PIBF1: variants seen among roughly 807,000 people sequenced by gnomAD.
PIBF1 encodes the protein progesterone-induced-blocking factor 1.
In PIBF1, 90 loss-of-function variants were observed where a neutral mutation model predicts 112.5. The ratio of observed to expected loss-of-function variants is 0.80; its 90% CI spans 0.67 to 0.95. PIBF1 has a LOEUF of 0.95. PIBF1 is among the 40% of genes least tolerant of loss of function. PIBF1 has a pLI of 0.00. For missense variants in PIBF1, 915 were observed against 852.3 expected, an observed-to-expected ratio of 1.07 and a Z score of -0.92; for synonymous variants, 301 against 288.6, an observed-to-expected ratio of 1.04 and a Z score of -0.44.
chr13:72,976,863 T>C (rs2043034817), intron 16 of PIBF1, among the ~76,000 whole-genome samples: 1 of 151,544 alleles, frequency 6.6e-6, no homozygotes, highest in Non-Finnish European at 1.5e-5. Context: ...ATAATTCTGA[T>C]TTTTTTTTGA....
At chr13:72,797,005 T>C (rs1340012709) in intron 4 of PIBF1, among the ~76,000 whole-genome samples, 1 of 152,156 alleles carries the variant, frequency 6.6e-6, no homozygotes, top group African/African-American at 2.4e-5. Context: ...TACTCTCTCC[T>C]AATTTGCTGT....
intron 17 of PIBF1, among the ~76,000 whole-genome samples, chr13:73,013,676 A>G (rs9564936): frequency 0.27 from 39,331 of 147,928 alleles, 6,399 homozygotes; most frequent in East Asian, 0.58. Flanking sequence ...GGTTGAGGCT[A>G]CAGTTAGCCA....
At chr13:72,895,934 G>A (rs542241435) in intron 11 of PIBF1, among the ~76,000 whole-genome samples, 2 of 152,274 alleles carry the variant, frequency 1.3e-5, no homozygotes, top group Non-Finnish European at 2.9e-5. Flanking sequence ...TTGTGTTGGG[G>A]GGAGCCAGTG....
intron 5 of PIBF1, among the ~76,000 whole-genome samples, chr13:72,803,029 G>T (rs1033451618): frequency 1.3e-4 from 20 of 152,294 alleles, no homozygotes; most frequent in Middle Eastern, 3.4e-3. Flanking sequence ...AATTGACATT[G>T]TATTTAACAA....
At chr13:72,943,560 C>T (rs2042067664) in intron 14 of PIBF1, among the ~76,000 whole-genome samples, 1 of 152,054 alleles carries the variant, frequency 6.6e-6, no homozygotes, top group Non-Finnish European at 1.5e-5. Context: ...TTTTAAAGGC[C>T]CATGGCCTAC....
intron 10 of PIBF1, among the ~76,000 whole-genome samples, chr13:72,874,994 C>T (rs61967072): frequency 0.16 from 23,680 of 152,134 alleles, 2,255 homozygotes; most frequent in Middle Eastern, 0.26. Flanking sequence ...TTAATACTTT[C>T]ATTTCTGGTC....
At chr13:72,904,514 C>A (rs2040620548) in intron 11 of PIBF1, among the ~76,000 whole-genome samples, 1 of 135,128 alleles carries the variant, frequency 7.4e-6, no homozygotes. Flanking sequence ...CGTCTCGGCT[C>A]ACTACAACCT....
At chr13:72,999,984 C>T (rs980688717) in intron 17 of PIBF1, among the ~76,000 whole-genome samples, 2 of 151,868 alleles carry the variant, frequency 1.3e-5, no homozygotes, top group Admixed American at 6.6e-5. Context: ...GGAGAATTGT[C>T]GGTGCGATGG....
intron 10 of PIBF1, among the ~76,000 whole-genome samples, chr13:72,856,335 A>G (rs2138337923): frequency 6.6e-6 from 1 of 152,312 alleles, no homozygotes; most frequent in South Asian, 2.1e-4. Flanking sequence ...AATTTTAGAT[A>G]AACTGGAAAA....
At chr13:72,871,014 G>A (rs1041082788) in intron 10 of PIBF1, among the ~76,000 whole-genome samples, 2 of 151,990 alleles carry the variant, frequency 1.3e-5, no homozygotes, top group Non-Finnish European at 2.9e-5. Context: ...AGTAATATAT[G>A]TATATATATT....
intron 4 of PIBF1, among the ~76,000 whole-genome samples, chr13:72,795,839 A>G (rs972427239): frequency 4.6e-5 from 7 of 152,182 alleles, no homozygotes; most frequent in African/African-American, 1.7e-4. Flanking sequence ...TATAAACAAC[A>G]GAGTAGTTGT....
intron 13 of PIBF1, among the ~76,000 whole-genome samples, chr13:72,924,387 T>C (rs751492133): frequency 1.8e-4 from 27 of 147,188 alleles, no homozygotes; most frequent in Middle Eastern, 3.5e-3. Flanking sequence ...TTTCTAACAG[T>C]GTGTTCATTT....
chr13:72,809,287 G>A (rs1040286484), intron 5 of PIBF1, among the ~76,000 whole-genome samples: 3 of 151,450 alleles, frequency 2.0e-5, no homozygotes, highest in African/African-American at 7.3e-5. Flanking sequence ...CAATCACATA[G>A]TATCTTTTTC....
At chr13:72,867,764 C>T (rs1049881009) in intron 10 of PIBF1, among the ~76,000 whole-genome samples, 1 of 152,086 alleles carries the variant, frequency 6.6e-6, no homozygotes, top group African/African-American at 2.4e-5. Context: ...TTTCATTTTA[C>T]AAATGGAAAG....
chr13:72,819,111 C>T lies in PIBF1; in HGVS notation c.673-2738C>T, dbSNP rs920853987. ...TTAGTGTTTATAATGGAAAGAGTCT[C>T]GCCCTCAAGGGATGGGAAAATCATA... On this transcript the variant is annotated intron_variant, in intron 5 of 17. Transcript: ENST00000326291. Among the ~76,000 whole-genome samples, 5 of 152,066 alleles carry T rather than the reference C, an allele frequency of 3.3e-5. No individual in the cohort carries two copies. The South Asian group carries it at 6.2e-4, about 19-fold the overall frequency.
chr13:72,814,219 C>T (rs918559524), intron 5 of PIBF1, among the ~76,000 whole-genome samples: 1 of 152,040 alleles, frequency 6.6e-6, no homozygotes, highest in African/African-American at 2.4e-5. Context: ...GGGTGGATCA[C>T]CTGAGGTCAG....
At chr13:72,891,485 C>G (rs2040053456) in intron 10 of PIBF1, among the ~76,000 whole-genome samples, 1 of 123,738 alleles carries the variant, frequency 8.1e-6, no homozygotes, top group African/African-American at 3.2e-5. Context: ...TGAATTAATA[C>G]TTTTTTTTAG....
At position 72,811,595 on chromosome 13, in the gene PIBF1, C is replaced by CAAAAA. The variant is rs770232789; in HGVS notation, c.673-10244_673-10240dup. Among the ~76,000 whole-genome samples, 211 of 40,080 alleles carry CAAAAA rather than the reference C, an allele frequency of 5.3e-3. 2 individuals carry two copies. The highest frequency in any genetic ancestry group is 0.016 in the African/African-American group (174 of 10,810). 26.3% of individuals were successfully genotyped at this position (40,080 alleles called of 152,430 possible). A position where few individuals can be genotyped will look rare whatever the true frequency, so the allele number is the denominator to read the frequency against. On this transcript the variant is annotated intron_variant, in intron 5 of 17. Transcript: ENST00000326291. Reference sequence around the variant, plus strand: ...TGGGTGACAGAACAAAACTCCGTCTCAAAAAAAAAAAAAAGAGAGAGAAAT... The same window carrying CAAAAA: ...TGGGTGACAGAACAAAACTCCGTCTCAAAAAAAAAAAAAAAAAAAGAGAGAGAAAT...
At chr13:72,993,595 A>G (rs1157859200) in intron 16 of PIBF1, among the ~76,000 whole-genome samples, 1 of 151,496 alleles carries the variant, frequency 6.6e-6, no homozygotes, top group African/African-American at 2.4e-5. Flanking sequence ...AAATACAAAA[A>G]ATTAGGTGGG....
Sources: allele counts gnomAD v4.1 joint callset (sites outside exome capture counted in the v4.1 genomes callset), GRCh38; gene constraint gnomAD v4.1.1; transcripts MANE v1.5; gene names NCBI Gene and HGNC (gene_info 2026-07-23, HGNC 2026-07-21).